The following DNAH3 variants were observed in gnomAD, a reference collection of about 807,000 sequenced individuals.
DNAH3 encodes the protein axonemal beta dynein heavy chain 3.
A neutral mutation model predicts 432.5 loss-of-function variants in DNAH3; 332 were observed. The ratio of observed to expected loss-of-function variants is 0.77; its 90% confidence interval spans 0.70 to 0.84. The LOEUF (loss-of-function observed/expected upper bound fraction) is 0.84. Among genes scored for constraint, DNAH3 ranks in the 40% least tolerant of loss-of-function variants. The probability of loss-of-function intolerance (pLI) is 0.00; values close to 1 mark genes in which losing one functional copy is unlikely to be tolerated. For synonymous variants in DNAH3, 1,956 were observed against 1,900.2 expected (o/e 1.03, Z -0.76); for missense variants, 4,861 against 5,114.0 (o/e 0.95, Z 1.51).
chr16:21,017,551 C>T (rs1038586996), intron 41 of DNAH3, among the ~76,000 whole-genome samples: 1 of 152,196 alleles, frequency 6.6e-6, no homozygotes, highest in Non-Finnish European at 1.5e-5. Flanking sequence ...CAATGTTCAC[C>T]TCACATACGT....
chr16:21,138,749 G>A lies in DNAH3; in HGVS notation c.696+1787C>T, dbSNP rs554637427. On this transcript the variant is annotated intron_variant, in intron 5 of 61. Coordinates refer to ENST00000261383, the Ensembl canonical transcript of DNAH3. ...CACTTGAACCCAGGAGGCAGAGGTT[G>A]CAGTGAGCCGAGATCGTGCCACTGC... 4.6e-5 allele frequency among the ~76,000 whole-genome samples: 7 copies of A among 152,108 alleles called. No homozygotes were observed. The South Asian group carries it at 1.5e-3, about 32-fold the overall frequency.
chr16:21,040,446 C>T (rs1237546037), intron 32 of DNAH3, among the ~76,000 whole-genome samples: 3 of 142,766 alleles, frequency 2.1e-5, no homozygotes, highest in Non-Finnish European at 4.5e-5. Flanking sequence ...CTCATTGCAA[C>T]CTCCGCCTCC....
chr16:20,954,181 A>C (rs918709205), intron 55 of DNAH3, among the ~76,000 whole-genome samples: 24 of 149,360 alleles, frequency 1.6e-4, no homozygotes, highest in Non-Finnish European at 3.3e-4. Context: ...CAAGATCACA[A>C]CACCACACTC....
chr16:21,124,154 G>A (rs1053601321), intron 9 of DNAH3, among the ~76,000 whole-genome samples: 3 of 152,034 alleles, frequency 2.0e-5, no homozygotes, highest in Non-Finnish European at 2.9e-5. Context: ...TCTTAATTAG[G>A]TCAACAAAGC....
chr16:21,086,862 C>A (rs141079263), exon 19 of DNAH3: 3 of 1,614,086 alleles, frequency 1.9e-6, no homozygotes, highest in East Asian at 4.5e-5. Context: ...CTGCCAGTGT[C>A]GGTCTTTCAT....
chr16:20,933,164 A>G (rs1277128534), exon 62 of DNAH3: 2 of 1,611,256 alleles, frequency 1.2e-6, no homozygotes, highest in Non-Finnish European at 1.7e-6. Flanking sequence ...TCAGTTATCC[A>G]GCTGGCACAG....
intron 41 of DNAH3, among the ~76,000 whole-genome samples, chr16:21,004,256 C>T (rs75469451): frequency 0.016 from 2,481 of 152,256 alleles, 42 homozygotes; most frequent in Non-Finnish European, 0.025. Flanking sequence ...CCGTCCTGTA[C>T]GCATTATCCA....
intron 1 of DNAH3, among the ~76,000 whole-genome samples, chr16:21,148,021 T>C (rs1271686043): frequency 6.6e-6 from 1 of 152,190 alleles, no homozygotes; most frequent in Non-Finnish European, 1.5e-5. Context: ...ACCTTAGGCA[T>C]TGACTTTGGA....
At chr16:20,992,669 A>G (rs1000421828) in intron 44 of DNAH3, among the ~76,000 whole-genome samples, 3 of 152,172 alleles carry the variant, frequency 2.0e-5, no homozygotes, top group African/African-American at 7.2e-5. Context: ...CCCAGCAGAC[A>G]TGCAATCAGC....
intron 53 of DNAH3, among the ~76,000 whole-genome samples, chr16:20,961,472 T>C (rs951506291): frequency 3.3e-4 from 50 of 151,910 alleles, no homozygotes; most frequent in African/African-American, 1.2e-3. Flanking sequence ...TGTGCACATG[T>C]ACCCTAGAAC....
At chr16:21,067,657 C>T (rs555030104) in intron 23 of DNAH3, among the ~76,000 whole-genome samples, 1 of 150,944 alleles carries the variant, frequency 6.6e-6, no homozygotes, top group African/African-American at 2.4e-5. Context: ...TATATTTTAA[C>T]CCAAGGAGTT....
chr16:21,152,989 G>A (rs956798008), intron 1 of DNAH3, among the ~76,000 whole-genome samples: 3 of 152,216 alleles, frequency 2.0e-5, no homozygotes, highest in African/African-American at 7.2e-5. Flanking sequence ...GCGGGCCCAC[G>A]GCGCGGGACT....
At chr16:21,110,593 G>A (rs1002022937) in intron 14 of DNAH3, among the ~76,000 whole-genome samples, 2 of 152,160 alleles carry the variant, frequency 1.3e-5, no homozygotes, top group Non-Finnish European at 2.9e-5. Flanking sequence ...CAACATGTGA[G>A]CCACAAATTC....
intron 14 of DNAH3, among the ~76,000 whole-genome samples, chr16:21,108,208 G>A (rs979051189): frequency 2.0e-5 from 3 of 152,202 alleles, no homozygotes; most frequent in African/African-American, 7.2e-5. Flanking sequence ...AGAAACTTCA[G>A]AAGTCAGCCA....
chr16:21,024,622 TG>T lies in DNAH3; in HGVS notation c.5619del (p.Ser1874ValfsTer44), dbSNP rs778160125. On this transcript the variant is annotated frameshift_variant, in exon 39 of 62. Coordinates refer to ENST00000261383, the Ensembl canonical transcript of DNAH3. LOFTEE classifies it high-confidence loss of function. The stretch of plus-strand genomic sequence containing the variant: ...AATTCTTTGTGCTCCTTGGTGAGAC[TG>T]GAGGGCAGGGTGTCCATGTAGGAAT... The T allele has an allele frequency of 2.7e-5, 43 of 1,612,280 alleles. No homozygotes were observed. The highest frequency in any genetic ancestry group is 9.3e-6 in the Non-Finnish European group (11 of 1,179,214).
intron 55 of DNAH3, among the ~76,000 whole-genome samples, chr16:20,953,204 G>A (rs1320326701): frequency 4.6e-5 from 7 of 150,674 alleles, no homozygotes; most frequent in Non-Finnish European, 1.0e-4. Flanking sequence ...TGTCCCACAA[G>A]CTGGAATGCA....
At chr16:21,022,267 C>A (rs1464256221) in intron 39 of DNAH3, among the ~76,000 whole-genome samples, 167 bp from the exon 40 acceptor site, 3 of 152,118 alleles carry the variant, frequency 2.0e-5, no homozygotes, top group African/African-American at 7.2e-5. Flanking sequence ...TCTCAGCATC[C>A]TCCTTCAGGG....
chr16:21,077,665 A>T (rs2091023318), intron 20 of DNAH3, among the ~76,000 whole-genome samples: 1 of 152,196 alleles, frequency 6.6e-6, no homozygotes, highest in African/African-American at 2.4e-5. Context: ...TCTTGTTTCC[A>T]CATGGAGATC....
rs771961840 is a variant in DNAH3 at position 21,062,463 on chromosome 16, A to C, written c.3720+19T>G. ...CTCTGTTATGGAGAAAAGAACCAAA[A>C]ATGGGTAAGAGGAGTTACCTTGGCA... On this transcript the variant is annotated intron_variant, in intron 25 of 61. Transcript: ENST00000261383. The C allele has an allele frequency of 6.2e-7, 1 of 1,611,744 alleles. No homozygotes were observed. The highest frequency in any genetic ancestry group is 8.5e-7 in the Non-Finnish European group (1 of 1,177,970).
Sources: gnomAD v4.1 joint callset for allele counts (sites outside exome capture counted in the v4.1 genomes callset) on GRCh38, gnomAD v4.1.1 for gene constraint, MANE v1.5 for transcripts, NCBI Gene and HGNC (gene_info 2026-07-23, HGNC 2026-07-21) for gene names.